CSNK1G1: variants seen among roughly 807,000 people sequenced by gnomAD.
CSNK1G1 encodes casein kinase 1 gamma 1.
A neutral mutation model predicts 59.6 loss-of-function variants in CSNK1G1; 22 were observed. The ratio of observed to expected loss-of-function variants is 0.37; its 90% CI spans 0.26 to 0.53. The LOEUF (loss-of-function observed/expected upper bound fraction) is 0.53. CSNK1G1 is among the 20% of genes least tolerant of loss of function. CSNK1G1 has a pLI of 0.89. For synonymous variants in CSNK1G1, 179 were observed against 177.1 expected (o/e 1.01, Z -0.08); for missense variants, 384 against 519.5 (o/e 0.74, Z 2.54).
At chr15:64,206,353 T>C (rs1042738628) in intron 7 of CSNK1G1, among the ~76,000 whole-genome samples, 8 of 152,002 alleles carry the variant, frequency 5.3e-5, no homozygotes, top group African/African-American at 1.7e-4. Flanking sequence ...GGCAGGAGAA[T>C]TGCTTGAACC....
intron 10 of CSNK1G1, among the ~76,000 whole-genome samples, chr15:64,199,665 G>A (rs2082082703): frequency 6.6e-6 from 1 of 152,084 alleles, no homozygotes. Flanking sequence ...AACCAGCCTG[G>A]GAGACAGTGA....
intron 10 of CSNK1G1, among the ~76,000 whole-genome samples, chr15:64,189,778 C>T (rs917436924): frequency 6.6e-6 from 1 of 150,882 alleles, no homozygotes; most frequent in African/African-American, 2.4e-5. Flanking sequence ...AGGCATTTCT[C>T]GTAAAAATCA....
At chr15:64,351,633 C>G (rs1898292476) in intron 1 of CSNK1G1, among the ~76,000 whole-genome samples, 1 of 152,216 alleles carries the variant, frequency 6.6e-6, no homozygotes, top group Non-Finnish European at 1.5e-5. Flanking sequence ...AGTCCCAGCA[C>G]TTTGAGAGGC....
chr15:64,288,732 G>A (rs558912850), intron 2 of CSNK1G1, among the ~76,000 whole-genome samples: 4 of 152,164 alleles, frequency 2.6e-5, no homozygotes, highest in South Asian at 2.1e-4. Flanking sequence ...AAGCTTTGCC[G>A]CCTTCTGGAA....
At chr15:64,334,523 G>A (rs1566951639) in intron 1 of CSNK1G1, among the ~76,000 whole-genome samples, 1 of 152,148 alleles carries the variant, frequency 6.6e-6, no homozygotes, top group Non-Finnish European at 1.5e-5. Context: ...CCATAATGTA[G>A]AATCAGTGGG....
intron 10 of CSNK1G1, among the ~76,000 whole-genome samples, chr15:64,196,454 AC>A (rs1247126353): frequency 1.3e-5 from 2 of 151,568 alleles, no homozygotes; most frequent in Non-Finnish European, 2.9e-5. Flanking sequence ...GATCACCTGA[AC>A]TTTTTTTTTT....
intron 4 of CSNK1G1, among the ~76,000 whole-genome samples, chr15:64,217,938 G>C (rs2082333573): frequency 6.6e-6 from 1 of 151,652 alleles, no homozygotes. Context: ...GTAGATTATT[G>C]TTTGCTTCTG....
At chr15:64,290,936 A>G (rs1413929272) in intron 2 of CSNK1G1, among the ~76,000 whole-genome samples, 1 of 151,666 alleles carries the variant, frequency 6.6e-6, no homozygotes, top group Non-Finnish European at 1.5e-5. Flanking sequence ...CTGGTCTCCA[A>G]CTCCTGACCT....
At position 64,200,032 on chromosome 15, in the gene CSNK1G1, G is replaced by A. The variant is rs891909812; in HGVS notation, c.1107+3050C>T. Among the ~76,000 whole-genome samples the A allele has an allele frequency of 2.6e-5, 4 of 152,242 alleles. No homozygotes were observed. Among genetic ancestry groups the A allele is most frequent in the Non-Finnish European group, 4.4e-5 (3 of 68,024 alleles). On this transcript the variant is annotated intron_variant, in intron 10 of 11. Transcript: ENST00000303052. This position sits in a 1 kb window ranked among gnomAD's most constrained non-coding sequence, Gnocchi z 4.3. ...GGCTGAGGCAGGTGGATCACCTGAGGTTAGGAGTTCCAGACTAGCCTGGCC... is the reference window on the plus strand; with the variant it reads ...GGCTGAGGCAGGTGGATCACCTGAGATTAGGAGTTCCAGACTAGCCTGGCC...
At chr15:64,178,838 A>C (rs1463004232) in intron 11 of CSNK1G1, among the ~76,000 whole-genome samples, 1 of 152,012 alleles carries the variant, frequency 6.6e-6, no homozygotes, top group Non-Finnish European at 1.5e-5. Context: ...ATTGGAGTAC[A>C]GTGACATGAC....
chr15:64,261,376 G>A (rs1483794671), intron 2 of CSNK1G1, among the ~76,000 whole-genome samples: 1 of 152,130 alleles, frequency 6.6e-6, no homozygotes, highest in African/African-American at 2.4e-5. Context: ...TGAGGTGGGT[G>A]GATCACCTGA....
intron 10 of CSNK1G1, among the ~76,000 whole-genome samples, chr15:64,195,879 C>G (rs1409079967): frequency 6.6e-6 from 1 of 152,148 alleles, no homozygotes; most frequent in Non-Finnish European, 1.5e-5. Context: ...AACGTTTATT[C>G]TATCCAAATT....
intron 2 of CSNK1G1, among the ~76,000 whole-genome samples, chr15:64,292,610 G>A (rs1894804870): frequency 6.6e-6 from 1 of 152,124 alleles, no homozygotes; most frequent in African/African-American, 2.4e-5. Flanking sequence ...AAACATACGT[G>A]CACCCCTATG....
intron 2 of CSNK1G1, among the ~76,000 whole-genome samples, chr15:64,270,310 C>A (rs1893219379): frequency 6.6e-6 from 1 of 151,692 alleles, no homozygotes; most frequent in African/African-American, 2.4e-5. Flanking sequence ...TTTGGTTCAT[C>A]TCTGATTTTG....
chr15:64,348,030 C>T (rs1898073147), intron 1 of CSNK1G1, among the ~76,000 whole-genome samples: 1 of 148,434 alleles, frequency 6.7e-6, no homozygotes, highest in Non-Finnish European at 1.5e-5. Context: ...ACACGAAGAA[C>T]ATTCAACGCA....
intron 3 of CSNK1G1, among the ~76,000 whole-genome samples, chr15:64,252,234 G>A (rs1018457660): frequency 1.3e-5 from 2 of 151,626 alleles, no homozygotes; most frequent in East Asian, 1.9e-4. Context: ...TTCCCATGGC[G>A]GTAAATAAAC....
intron 10 of CSNK1G1, chr15:64,181,190 A>G (rs941715431): frequency 3.3e-6 from 5 of 1,525,462 alleles, no homozygotes; most frequent in East Asian, 2.5e-5. Flanking sequence ...TCTTATTTCA[A>G]CGATCTTTAT....
chr15:64,347,880 C>A (rs1898064185), intron 1 of CSNK1G1, among the ~76,000 whole-genome samples: 1 of 151,884 alleles, frequency 6.6e-6, no homozygotes, highest in Admixed American at 6.6e-5. Context: ...GTGGCATGTG[C>A]CTGTAATCCC....
intron 1 of CSNK1G1, chr15:64,342,782 GC>G (rs2140478184): frequency 6.6e-6 from 1 of 152,250 alleles, no homozygotes; most frequent in East Asian, 1.9e-4. Context: ...AATTTCCTCT[GC>G]CTAACTTTCA....
Sources: allele counts gnomAD v4.1 joint callset (sites outside exome capture counted in the v4.1 genomes callset), GRCh38; gene constraint gnomAD v4.1.1; non-coding constraint Gnocchi (gnomAD v3.1); transcripts MANE v1.5; gene names NCBI Gene and HGNC (gene_info 2026-07-23, HGNC 2026-07-21).